FAP: variants seen among roughly 807,000 people sequenced by gnomAD.
FAP encodes the protein fibroblast activation protein alpha, also known as prolyl endopeptidase FAP.
In FAP, 110 loss-of-function variants were observed where a neutral mutation model predicts 126.5. That is an observed-to-expected ratio of 0.87 (90% CI 0.74 to 1.02). The LOEUF (loss-of-function observed/expected upper bound fraction) is 1.02, where lower values mean the gene tolerates loss of function less well. FAP is among the 50% of genes least tolerant of loss of function. FAP has a pLI of 0.00. For missense variants in FAP, 919 were observed against 909.2 expected, an observed-to-expected ratio of 1.01 and a Z score of -0.14; for synonymous variants, 334 against 297.3, an observed-to-expected ratio of 1.12 and a Z score of -1.27.
At chr2:162,198,722 G>A (rs1256304423) in intron 16 of FAP, 35 bp downstream of exon 16, 47 of 1,611,734 alleles carry the variant, frequency 2.9e-5, no homozygotes, top group Non-Finnish European at 3.7e-5. Context: ...CCATGCCTGT[G>A]GGGATGCTGT....
rs756309024 is a variant in FAP at position 162,242,932 on chromosome 2, A to C, written c.67T>G (p.Cys23Gly). 6.2e-7 allele frequency: 1 copy of C among 1,613,182 alleles called. No individual in the cohort carries two copies. Among genetic ancestry groups the C allele is most frequent in the Admixed American group, 1.7e-5 (1 of 59,882 alleles). Residue 23 changes from cysteine to glycine, a missense_variant, in exon 2 of 26, where the codon TGC becomes GGC. By Grantham distance (159) the Cys-to-Gly change is radical (BLOSUM62 -3). Coordinates refer to ENST00000188790, the MANE Select transcript of FAP (RefSeq NM_004460.5). ...TSAVLALLVM[C>G]IVLRPSRVHN... ...CCTCTTGAAGGGCGTAAGACAATGC[A>C]CATCACCAATAAGGCAAGCACAGCA...
intron 2 of FAP, among the ~76,000 whole-genome samples, chr2:162,230,762 TG>T (rs112853104): frequency 0.037 from 5,555 of 152,162 alleles, 480 homozygotes; most frequent in Admixed American, 0.22. Context: ...TCCAAATCTC[TG>T]GGGGGTGGGG....
intron 2 of FAP, among the ~76,000 whole-genome samples, chr2:162,242,190 G>C (rs2106310718): frequency 6.6e-6 from 1 of 152,018 alleles, no homozygotes; most frequent in Non-Finnish European, 1.5e-5. Context: ...TTCATAAAAA[G>C]CTATTTCCCT....
Position 162,202,923 on chromosome 2 carries a change from G to A in FAP, c.1172C>T (p.Thr391Ile), listed in dbSNP as rs370209159. Reference protein sequence around the residue: ...KDTVENAIQITSGKWEAINIF... With the variant: ...KDTVENAIQIISGKWEAINIF... ...ATTTATGGCCTCCCACTTGCCACTT[G>A]TAATTTGAATAGCATTTTCCTATAA... The change falls in exon 14 of 26, where the codon ACA (threonine) becomes ATA (isoleucine). Residue 391 changes from threonine (T) to isoleucine (I), a missense_variant. Coordinates refer to ENST00000188790, the MANE Select transcript of FAP (RefSeq NM_004460.5). 2 of 1,613,634 alleles carry A rather than the reference G, an allele frequency of 1.2e-6. No individual in the cohort carries two copies. The highest frequency in any genetic ancestry group is 1.7e-6 in the Non-Finnish European group (2 of 1,179,594).
chr2:162,201,122 C>G (rs1040024301), intron 14 of FAP, among the ~76,000 whole-genome samples: 2 of 152,150 alleles, frequency 1.3e-5, no homozygotes, highest in African/African-American at 2.4e-5. Context: ...CATGCTTTTA[C>G]TTAAGTATCC....
intron 14 of FAP, 143 bp downstream of exon 14, chr2:162,202,729 G>A (rs755367941): frequency 7.8e-6 from 4 of 510,102 alleles, no homozygotes; most frequent in Admixed American, 3.6e-5. Context: ...TATTAAAAAT[G>A]TGCAATCGTA....
Position 162,174,729 on chromosome 2 carries a change from A to G in FAP, c.1969+138T>C, listed in dbSNP as rs991486350. On this transcript the variant is annotated intron_variant, in intron 22 of 25. Transcript: ENST00000188790. ...CATGTTTATAATAAATGATATAAAC[A>G]ACTTTGTTTATAAATTATATTTTCC... The G allele has an allele frequency of 2.3e-5, 13 of 570,120 alleles. No homozygotes were observed. The African/African-American group carries it at 2.5e-4, about 11-fold the overall frequency. 35.3% of individuals were successfully genotyped at this position (570,120 alleles called of 1,614,324 possible). A position where few individuals can be genotyped will look rare whatever the true frequency, so the allele number is the denominator to read the frequency against.
chr2:162,210,763 A>T (rs1243497855), intron 11 of FAP, among the ~76,000 whole-genome samples: 1 of 152,186 alleles, frequency 6.6e-6, no homozygotes, highest in African/African-American at 2.4e-5. Flanking sequence ...GTAAGAGGGA[A>T]GGAGGCAGAG....
chr2:162,225,249 T>C lies in FAP; in HGVS notation c.285+234A>G, dbSNP rs1354483034. Among the ~76,000 whole-genome samples, 5 of 152,154 alleles carry C rather than the reference T, an allele frequency of 3.3e-5. No homozygotes were observed. The East Asian group carries it at 7.7e-4, about 23-fold the overall frequency. On this transcript the variant is annotated intron_variant, in intron 4 of 25. Coordinates refer to ENST00000188790, the MANE Select transcript of FAP (RefSeq NM_004460.5). ...TGACACTAAGGACTGAGTTCTTAACTCCTATCTTATGCTATACTATATTCA... is the reference window on the plus strand; with the variant it reads ...TGACACTAAGGACTGAGTTCTTAACCCCTATCTTATGCTATACTATATTCA...
chr2:162,194,873 T>C (rs765862194), intron 16 of FAP, 125 bp from the exon 17 acceptor site: 51 of 801,388 alleles, frequency 6.4e-5, no homozygotes, highest in Middle Eastern at 2.4e-4. Flanking sequence ...TCTGCAGCTA[T>C]TTTTTTCCCC....
At chr2:162,199,870 C>T (rs528520033) in intron 15 of FAP, among the ~76,000 whole-genome samples, 6 of 152,138 alleles carry the variant, frequency 3.9e-5, no homozygotes, top group Non-Finnish European at 8.8e-5. Context: ...ACATATGTCC[C>T]TATTCGGGTG....
intron 14 of FAP, 131 bp from the exon 15 acceptor site, chr2:162,200,750 A>G (rs1375997852): frequency 7.9e-6 from 4 of 505,372 alleles, no homozygotes; most frequent in Non-Finnish European, 1.4e-5. Flanking sequence ...GCTTAAGTAC[A>G]CAAATAACTG....
chr2:162,184,867 C>T (rs895279991), intron 20 of FAP, among the ~76,000 whole-genome samples: 1 of 152,108 alleles, frequency 6.6e-6, no homozygotes, highest in Non-Finnish European at 1.5e-5. Context: ...AACAATCATA[C>T]TACCTTACAT....
chr2:162,219,772 A>T, intron 7 of FAP, 81 bp downstream of exon 7: 1 of 910,180 alleles, frequency 1.1e-6, no homozygotes, highest in Admixed American at 2.1e-5. Flanking sequence ...TCTTTCAGGC[A>T]GGGAAATTTA....
intron 21 of FAP, chr2:162,175,780 T>A (rs1384498300): frequency 6.6e-6 from 1 of 152,154 alleles, no homozygotes; most frequent in East Asian, 1.9e-4. Flanking sequence ...TTGAACCTTT[T>A]CTTAAATATG....
Position 162,172,891 on chromosome 2 carries a change from C to T in FAP, c.2108-7G>A, listed in dbSNP as rs1687364815. ...TTTTGAAAGTGCACATTATCTGCAA[C>T]AAAGAGAGAGAGAGTTAAAGTGCTG... On this transcript the variant is annotated splice_polypyrimidine_tract_variant and splice_region_variant and intron_variant, in intron 24 of 25. Coordinates refer to ENST00000188790, the MANE Select transcript of FAP (RefSeq NM_004460.5). 1 of 1,608,394 alleles carries T rather than the reference C, an allele frequency of 6.2e-7. No individual in the cohort carries two copies. Among genetic ancestry groups the T allele is most frequent in the Non-Finnish European group, 8.5e-7 (1 of 1,175,362 alleles).
At chr2:162,195,547 C>T (rs920569852) in intron 16 of FAP, among the ~76,000 whole-genome samples, 3 of 151,748 alleles carry the variant, frequency 2.0e-5, no homozygotes, top group African/African-American at 7.3e-5. Flanking sequence ...GGGGGGCGTG[C>T]TCAGCTGTAA....
chr2:162,179,382 G>A (rs1242492512), intron 21 of FAP, among the ~76,000 whole-genome samples: 2 of 152,118 alleles, frequency 1.3e-5, no homozygotes, highest in East Asian at 1.9e-4. Context: ...CATTTGAGGG[G>A]AGACATTGAT....
chr2:162,186,073 T>G (rs1687859348), intron 20 of FAP, among the ~76,000 whole-genome samples: 1 of 152,178 alleles, frequency 6.6e-6, no homozygotes, highest in African/African-American at 2.4e-5. Context: ...ACTAAAAGTT[T>G]GATCTAACAA....
Sources: allele counts gnomAD v4.1 joint callset (sites outside exome capture counted in the v4.1 genomes callset), GRCh38; gene constraint gnomAD v4.1.1; transcripts MANE v1.5; gene names NCBI Gene and HGNC (gene_info 2026-07-23, HGNC 2026-07-21).